Variants in FBXL13 observed in about 807,000 individuals in gnomAD.
FBXL13 encodes the protein F-box and leucine-rich repeat protein 13.
A neutral mutation model predicts 83.6 loss-of-function variants in FBXL13; 67 were observed. The ratio of observed to expected loss-of-function variants is 0.80; its 90% CI spans 0.66 to 0.98. The LOEUF (loss-of-function observed/expected upper bound fraction) is 0.98, where lower values mean the gene tolerates loss of function less well. Ranked by LOEUF, FBXL13 falls within the 50% of genes least tolerant of loss-of-function variation. The pLI is 0.00. For missense variants in FBXL13, 822 were observed against 866.5 expected (o/e 0.95, Z 0.64); for synonymous variants, 272 against 299.5 (o/e 0.91, Z 0.95).
chr7:102,862,955 A>T (rs1276974486), intron 16 of FBXL13, among the ~76,000 whole-genome samples: 1 of 152,176 alleles, frequency 6.6e-6, no homozygotes, highest in Non-Finnish European at 1.5e-5. Flanking sequence ...GGCTTTGACC[A>T]CTTCAGCCAT....
rs190412119 is a variant in FBXL13 at position 102,934,645 on chromosome 7, T to G, written c.725-2712A>C. ...AGGTGGACTCAACTTTTTGCCACAA[T>G]TATGTGTTTCCCATACAAACACTGG... On this transcript the variant is annotated intron_variant, in intron 8 of 19. Transcript: ENST00000313221. The G allele has an allele frequency of 9.7e-5, 155 of 1,605,772 alleles. No homozygotes were observed. The Admixed American group carries it at 1.0e-3, about 11-fold the overall frequency.
chr7:102,934,081 G>C (rs755075837), intron 8 of FBXL13: 1 of 1,614,178 alleles, frequency 6.2e-7, no homozygotes, highest in East Asian at 2.2e-5. Context: ...CGTGTGACGT[G>C]TACACATATC....
chr7:102,982,073 G>C (rs1314340535), intron 6 of FBXL13, among the ~76,000 whole-genome samples: 1 of 152,120 alleles, frequency 6.6e-6, no homozygotes, highest in Non-Finnish European at 1.5e-5. Flanking sequence ...CCACTGTGGA[G>C]TAGCAGTCCC....
At chr7:102,851,556 TC>T (rs1314972752) in intron 17 of FBXL13, among the ~76,000 whole-genome samples, 1 of 86,332 alleles carries the variant, frequency 1.2e-5, no homozygotes, top group East Asian at 1.2e-3. Flanking sequence ...CTTCTTCTTC[TC>T]TCTCTCTCTC....
rs1257579296 is a variant in FBXL13, at chr7:102,978,699, C to T, written c.496-10582G>A. ...CTCGTGTTGTCTGTTGGCACACTCT[C>T]GGGGTTTGAACTGATACAAGAATCC... On this transcript the variant is annotated intron_variant, in intron 6 of 19. Coordinates refer to ENST00000313221, the Ensembl canonical transcript of FBXL13. 3.2e-5 allele frequency: 7 copies of T among 222,094 alleles called. No individual in the cohort carries two copies. The South Asian group carries it at 3.2e-4, about 10-fold the overall frequency. 13.8% of individuals were successfully genotyped at this position (222,094 alleles called of 1,614,324 possible).
At chr7:102,967,403 A>G (rs1262951343) in intron 7 of FBXL13, among the ~76,000 whole-genome samples, 1 of 152,076 alleles carries the variant, frequency 6.6e-6, no homozygotes, top group Non-Finnish European at 1.5e-5. Context: ...CTCCTGAGTA[A>G]CTGGGATTAC....
intron 6 of FBXL13, among the ~76,000 whole-genome samples, chr7:102,994,819 G>T (rs556008479): frequency 6.6e-6 from 1 of 152,270 alleles, no homozygotes; most frequent in South Asian, 2.1e-4. Context: ...TTCAGGCCAC[G>T]TGGACAGAAA....
intron 10 of FBXL13, among the ~76,000 whole-genome samples, chr7:102,925,410 G>T (rs1817928650): frequency 6.6e-6 from 1 of 151,988 alleles, no homozygotes; most frequent in South Asian, 2.1e-4. Context: ...AAACTAAAAA[G>T]AAAAATTTTT....
intron 8 of FBXL13, among the ~76,000 whole-genome samples, chr7:102,954,307 A>T (rs1349761366): frequency 2.0e-5 from 3 of 152,256 alleles, no homozygotes; most frequent in Admixed American, 2.0e-4. Flanking sequence ...TCATAAGTGA[A>T]GGAGAAATAA....
intron 8 of FBXL13, among the ~76,000 whole-genome samples, chr7:102,949,218 T>C (rs1823022626): frequency 6.6e-6 from 1 of 152,040 alleles, no homozygotes; most frequent in Non-Finnish European, 1.5e-5. Context: ...GGGGTAGGGG[T>C]TGGTAGTGGG....
chr7:103,065,612 A>T (rs1172791746), intron 1 of FBXL13, among the ~76,000 whole-genome samples: 1 of 152,250 alleles, frequency 6.6e-6, no homozygotes, highest in Non-Finnish European at 1.5e-5. Context: ...GTAAAAAGAG[A>T]GTAACTACTA....
chr7:102,981,563 G>A lies in FBXL13; in HGVS notation c.496-13446C>T, dbSNP rs896258143. Reference sequence around the variant, plus strand: ...TGAGCTGCTAAAACTGAGTACTATAGACTGAGTAACTTATAAACAAGAGGA... The same window carrying A: ...TGAGCTGCTAAAACTGAGTACTATAAACTGAGTAACTTATAAACAAGAGGA... On this transcript the variant is annotated intron_variant, in intron 6 of 19. Transcript: ENST00000313221. Among the ~76,000 whole-genome samples, 4 of 152,164 alleles carry A rather than the reference G, an allele frequency of 2.6e-5. No homozygotes were observed. The East Asian group carries it at 5.8e-4, about 22-fold the overall frequency.
chr7:102,916,236 C>A (rs1261591999), intron 10 of FBXL13, among the ~76,000 whole-genome samples: 1 of 152,182 alleles, frequency 6.6e-6, no homozygotes, highest in Non-Finnish European at 1.5e-5. Flanking sequence ...ATCCGCCCAC[C>A]TCGGCCTCCC....
chr7:103,055,738 A>AT, exon 2 of FBXL13: 1 of 1,267,554 alleles, frequency 7.9e-7, no homozygotes, highest in Admixed American at 2.4e-5. Flanking sequence ...AGTATACCAC[A>AT]TAACAGTGCC....
chr7:102,872,367 A>G (rs984731951), intron 16 of FBXL13, among the ~76,000 whole-genome samples: 4 of 152,170 alleles, frequency 2.6e-5, no homozygotes, highest in African/African-American at 9.7e-5. Flanking sequence ...TTCTGGGAAA[A>G]CAACGTTTCA....
At chr7:102,849,657 T>C (rs962530913) in intron 17 of FBXL13, among the ~76,000 whole-genome samples, 2 of 152,208 alleles carry the variant, frequency 1.3e-5, no homozygotes, top group African/African-American at 4.8e-5. Context: ...AGGTAAGGAA[T>C]TGTGAAATTA....
At chr7:102,985,704 A>G (rs956142034) in intron 6 of FBXL13, among the ~76,000 whole-genome samples, 1 of 152,236 alleles carries the variant, frequency 6.6e-6, no homozygotes, top group Non-Finnish European at 1.5e-5. Context: ...ATTAGCAGTG[A>G]CATAAGGCAG....
chr7:102,914,499 A>C (rs924867437), intron 10 of FBXL13, among the ~76,000 whole-genome samples: 1 of 152,276 alleles, frequency 6.6e-6, no homozygotes, highest in African/African-American at 2.4e-5. Flanking sequence ...AAGAATGAAA[A>C]GTGAGGAGAA....
At chr7:102,821,679 A>G (rs1470015374) in intron 19 of FBXL13, among the ~76,000 whole-genome samples, 1 of 152,212 alleles carries the variant, frequency 6.6e-6, no homozygotes, top group Non-Finnish European at 1.5e-5. Context: ...CCCTCAGTCA[A>G]GAGGCAAAAA....
Sources: allele counts gnomAD v4.1 joint callset (sites outside exome capture counted in the v4.1 genomes callset), GRCh38; gene constraint gnomAD v4.1.1; transcripts MANE v1.5; gene names NCBI Gene and HGNC (gene_info 2026-07-23, HGNC 2026-07-21).